The following DYNC2I1 variants were observed in gnomAD, a reference collection of about 807,000 sequenced individuals.
The protein encoded by DYNC2I1 is cytoplasmic dynein 2 intermediate chain 1.
DYNC2I1 carries 89 observed loss-of-function variants against 133.4 expected under a neutral mutation model. The ratio of observed to expected loss-of-function variants is 0.67; its 90% CI spans 0.56 to 0.80. The LOEUF (loss-of-function observed/expected upper bound fraction) is 0.80, where lower values mean the gene tolerates loss of function less well. Ranked by LOEUF, DYNC2I1 falls within the 30% of genes least tolerant of loss-of-function variation. DYNC2I1 has a pLI of 0.00. For missense variants in DYNC2I1, 1,291 were observed against 1,314.5 expected (o/e 0.98, Z 0.28); for synonymous variants, 504 against 484.3 (o/e 1.04, Z -0.54).
chr7:158,924,060 G>T (rs192158694), intron 17 of DYNC2I1, among the ~76,000 whole-genome samples: 83 of 152,260 alleles, frequency 5.5e-4, no homozygotes, highest in African/African-American at 1.9e-3. Context: ...TCACACTCAC[G>T]TGAGCAAAGC....
intron 3 of DYNC2I1, among the ~76,000 whole-genome samples, chr7:158,871,816 A>G (rs1432620868): frequency 1.3e-5 from 2 of 152,174 alleles, no homozygotes; most frequent in Non-Finnish European, 2.9e-5. Flanking sequence ...CATTACAGAC[A>G]TGCCACTGTG....
At chr7:158,900,380 C>T (rs1051072252) in intron 8 of DYNC2I1, among the ~76,000 whole-genome samples, 2 of 152,152 alleles carry the variant, frequency 1.3e-5, no homozygotes, top group African/African-American at 4.8e-5. Context: ...CCTCGGCCTC[C>T]CAAAGTGCTG....
At chr7:158,879,577 G>T in intron 4 of DYNC2I1, 107 bp from the exon 5 acceptor site, 1 of 1,198,920 alleles carries the variant, frequency 8.3e-7, no homozygotes, top group Non-Finnish European at 1.1e-6. Context: ...AAATGTTTTT[G>T]ATCCGTGGTT....
chr7:158,955,739 G>A (rs148152835), intron 4 of DYNC2I1, among the ~76,000 whole-genome samples: 3 of 152,284 alleles, frequency 2.0e-5, no homozygotes, highest in African/African-American at 4.8e-5. Context: ...CTCCCCACAC[G>A]CTGCTTTTTA....
In DYNC2I1 at chr7:158,905,140, C is replaced by CTTTTTTTTT. The variant is rs77389434; in HGVS notation, c.1358-839_1358-831dup. 5.6e-3 allele frequency: 1,890 copies of CTTTTTTTTT among 337,234 alleles called. 85 individuals are homozygous for CTTTTTTTTT. The highest frequency in any genetic ancestry group is 0.015 in the Middle Eastern group (15 of 998). The allele number at this position is 337,234 out of a possible 1,614,324, so 20.9% of individuals were successfully genotyped here. A position where few individuals can be genotyped will look rare whatever the true frequency, so the allele number is the denominator to read the frequency against. On this transcript the variant is annotated intron_variant, in intron 10 of 24. Transcript: ENST00000407559. ...GTTGTTTGTTCTTGTCTTTCTTTTT[C>CTTTTTTTTT]TTTTTTTTTTTTTTTTTTGAGACAG...
chr7:158,956,767 G>A (rs1297566519), downstream of DYNC2I1: 1 of 152,370 alleles, frequency 6.6e-6, no homozygotes, highest in Non-Finnish European at 1.5e-5. Context: ...GCGTAAGTGA[G>A]ACGGTGCGAG....
intron 6 of DYNC2I1, among the ~76,000 whole-genome samples, chr7:158,885,309 G>C (rs1359573218): frequency 1.3e-5 from 2 of 151,150 alleles, no homozygotes; most frequent in Non-Finnish European, 2.9e-5. Flanking sequence ...TCTCGTGTGG[G>C]TTTTGCAATA....
chr7:158,912,332 A>G (rs1485934229), intron 12 of DYNC2I1, among the ~76,000 whole-genome samples: 1 of 152,190 alleles, frequency 6.6e-6, no homozygotes, highest in Non-Finnish European at 1.5e-5. Context: ...TTTTTCTTAC[A>G]TTCCTGTTAC....
chr7:158,920,075 A>G (rs1448985793), intron 15 of DYNC2I1, among the ~76,000 whole-genome samples: 1 of 149,442 alleles, frequency 6.7e-6, no homozygotes, highest in Non-Finnish European at 1.5e-5. Context: ...GTGTGTGTGT[A>G]TGGCAGCGCC....
rs141624594 is a variant in DYNC2I1, at chr7:158,906,271, C to T, written c.1460+180C>T. On this transcript the variant is annotated intron_variant, in intron 11 of 24. Transcript: ENST00000407559. ...ATGTTAGTAGAGCAGGTGTGTGAGC[C>T]GCTACGTACCATGTGCTGATGTTGG... Among the ~76,000 whole-genome samples the T allele has an allele frequency of 4.2e-4, 64 of 152,130 alleles. No individual in the cohort carries two copies. The East Asian group carries it at 0.01, about 24-fold the overall frequency.
intron 7 of DYNC2I1, among the ~76,000 whole-genome samples, chr7:158,890,348 G>A (rs1392163451): frequency 6.6e-6 from 1 of 151,946 alleles, no homozygotes; most frequent in Non-Finnish European, 1.5e-5. Context: ...AATATATGAT[G>A]TGTTTTTTTC....
chr7:158,904,868 A>G (rs1018884112), intron 10 of DYNC2I1: 14 of 232,272 alleles, frequency 6.0e-5, no homozygotes, highest in Admixed American at 4.3e-4. Flanking sequence ...CTGGCCGTAA[A>G]GCTTTGTTGT....
At chr7:158,911,717 A>C (rs762728465) in intron 12 of DYNC2I1, 38 bp downstream of exon 12, 2 of 1,574,158 alleles carry the variant, frequency 1.3e-6, no homozygotes. Flanking sequence ...ATAAAATGCA[A>C]GTAAAGTCTA....
At chr7:158,910,283 C>T (rs1234625100) in intron 11 of DYNC2I1, among the ~76,000 whole-genome samples, 7 of 151,826 alleles carry the variant, frequency 4.6e-5, no homozygotes, top group Admixed American at 1.3e-4. Flanking sequence ...AGAGGGCCAT[C>T]GGCCGTGTCA....
At chr7:158,879,485 G>A (rs1326520732) in intron 4 of DYNC2I1, among the ~76,000 whole-genome samples, 199 bp from the exon 5 acceptor site, 1 of 152,074 alleles carries the variant, frequency 6.6e-6, no homozygotes, top group East Asian at 1.9e-4. Context: ...CAATATAAAT[G>A]AGATGCAAAT....
upstream of DYNC2I1, among the ~76,000 whole-genome samples, chr7:158,852,341 T>C (rs1305458192): frequency 6.6e-6 from 1 of 151,772 alleles, no homozygotes; most frequent in African/African-American, 2.4e-5. Context: ...AGGCTAGTCT[T>C]GAATTCCTGA....
At chr7:158,868,725 C>T (rs547089467) in intron 1 of DYNC2I1, among the ~76,000 whole-genome samples, 1 of 152,162 alleles carries the variant, frequency 6.6e-6, no homozygotes, top group African/African-American at 2.4e-5. Flanking sequence ...CTTTCTCTGC[C>T]GATCCTTGAG....
chr7:158,857,465 T>G (rs1841382731), intron 1 of DYNC2I1, among the ~76,000 whole-genome samples: 1 of 152,042 alleles, frequency 6.6e-6, no homozygotes, highest in Admixed American at 6.6e-5. Context: ...TATTATTTTT[T>G]CCCCATCACT....
At chr7:158,841,791 T>C in the DYNC2I1 span, among the ~76,000 whole-genome samples, 1,461 of 152,280 alleles carry the variant, frequency 9.6e-3, 24 homozygotes, top group African/African-American at 0.033. Context: ...AAACTCTAGG[T>C]TGCTCTATTT....
Sources: allele counts gnomAD v4.1 joint callset (sites outside exome capture counted in the v4.1 genomes callset), GRCh38; gene constraint gnomAD v4.1.1; transcripts MANE v1.5; gene names NCBI Gene and HGNC (gene_info 2026-07-23, HGNC 2026-07-21).